The following SLC49A4 variants were observed in gnomAD, a reference collection of about 807,000 sequenced individuals.
SLC49A4 encodes the protein solute carrier family 49 member 4, also known as disrupted in renal cancer protein 2.
Under a neutral mutation model 50.6 loss-of-function variants are expected in SLC49A4, and 36 were observed. That is an observed-to-expected ratio of 0.71 (90% CI 0.55 to 0.94). SLC49A4 has a LOEUF of 0.94. SLC49A4 is among the 40% of genes least tolerant of loss of function. The pLI, the probability that SLC49A4 is intolerant of heterozygous loss-of-function variation, is 0.00. For missense variants in SLC49A4, 503 were observed against 605.7 expected (o/e 0.83, Z 1.78); for synonymous variants, 248 against 241.2 (o/e 1.03, Z -0.26).
chr3:122,825,959 A>G (rs1936520169), intron 2 of SLC49A4, among the ~76,000 whole-genome samples: 1 of 152,194 alleles, frequency 6.6e-6, no homozygotes, highest in Non-Finnish European at 1.5e-5. Context: ...AATGGAATGG[A>G]AAAAAGAAAC....
At chr3:122,862,445 T>C (rs1289760695) in intron 7 of SLC49A4, among the ~76,000 whole-genome samples, 2 of 152,238 alleles carry the variant, frequency 1.3e-5, no homozygotes, top group Non-Finnish European at 2.9e-5. Context: ...AGTAAAATAC[T>C]GTGCACTGTT....
intron 6 of SLC49A4, 117 bp from the exon 7 acceptor site, chr3:122,859,958 C>A: frequency 1.1e-6 from 1 of 939,130 alleles, no homozygotes; most frequent in South Asian, 2.7e-5. Flanking sequence ...ACACTGAAAA[C>A]TGTCTTTTAA....
At chr3:122,865,882 T>C (rs1352637911) in intron 7 of SLC49A4, among the ~76,000 whole-genome samples, 4 of 152,210 alleles carry the variant, frequency 2.6e-5, no homozygotes, top group African/African-American at 4.8e-5. Flanking sequence ...CCTTAAGATA[T>C]AATTCTTGAT....
chr3:122,822,192 A>C (rs1936463154), intron 2 of SLC49A4, among the ~76,000 whole-genome samples: 1 of 152,116 alleles, frequency 6.6e-6, no homozygotes, highest in South Asian at 2.1e-4. Context: ...CACTGTACTG[A>C]AGATTATGAA....
At chr3:122,859,887 TTTATAAGAGAAAAAAAA>T (rs972086172) in intron 6 of SLC49A4, among the ~76,000 whole-genome samples, 171 bp from the exon 7 acceptor site, 2 of 152,136 alleles carry the variant, frequency 1.3e-5, no homozygotes, top group Non-Finnish European at 2.9e-5. Context: ...TTTTTTGTGT[TTTATAAGAGAAAAAAAA>T]TTATCACAAA....
chr3:122,866,906 T>A (rs1937128570), intron 7 of SLC49A4, among the ~76,000 whole-genome samples: 1 of 152,228 alleles, frequency 6.6e-6, no homozygotes, highest in Admixed American at 6.5e-5. Flanking sequence ...GACATGCTTT[T>A]TTTTTTGGAG....
intron 2 of SLC49A4, among the ~76,000 whole-genome samples, chr3:122,826,046 A>G (rs1321711504): frequency 4.6e-5 from 7 of 152,210 alleles, no homozygotes. Flanking sequence ...TCCTGTCATT[A>G]CAGTACCCTA....
intron 2 of SLC49A4, among the ~76,000 whole-genome samples, chr3:122,819,943 A>T (rs555885965): frequency 6.6e-6 from 1 of 152,166 alleles, no homozygotes; most frequent in Non-Finnish European, 1.5e-5. Context: ...GGAGGTAAGT[A>T]TTTTTATGTA....
chr3:122,822,545 A>G (rs1936468204), intron 2 of SLC49A4, among the ~76,000 whole-genome samples: 1 of 152,184 alleles, frequency 6.6e-6, no homozygotes, highest in Non-Finnish European at 1.5e-5. Flanking sequence ...TCAGACCACA[A>G]ATGACCTCTT....
intron 1 of SLC49A4, among the ~76,000 whole-genome samples, chr3:122,803,873 A>C (rs1936171482): frequency 6.6e-6 from 1 of 152,164 alleles, no homozygotes; most frequent in Non-Finnish European, 1.5e-5. Context: ...GAAAAGAAAT[A>C]TTTTTATTTT....
At chr3:122,855,951 A>G (rs1240115439) in intron 5 of SLC49A4, among the ~76,000 whole-genome samples, 1 of 152,066 alleles carries the variant, frequency 6.6e-6, no homozygotes, top group South Asian at 2.1e-4. Flanking sequence ...TTGTTGCCCC[A>G]TGTTTTAGCA....
chr3:122,831,235 A>G (rs1243613253), intron 3 of SLC49A4, among the ~76,000 whole-genome samples: 1 of 152,186 alleles, frequency 6.6e-6, no homozygotes, highest in African/African-American at 2.4e-5. Context: ...TCAAAATGTT[A>G]AACAAAGATT....
At chr3:122,799,002 C>T (rs1181834513) in intron 1 of SLC49A4, among the ~76,000 whole-genome samples, 1 of 151,978 alleles carries the variant, frequency 6.6e-6, no homozygotes, top group Non-Finnish European at 1.5e-5. Context: ...ACCTTCCCAC[C>T]CTTTTTCATT....
At chr3:122,826,671 G>A in intron 2 of SLC49A4, 129 bp from the exon 3 acceptor site, 2 of 878,234 alleles carry the variant, frequency 2.3e-6, no homozygotes, top group East Asian at 2.5e-5. Flanking sequence ...TGTCTTTTAG[G>A]CATGTCATAT....
At chr3:122,843,893 G>A (rs1011319579) in intron 4 of SLC49A4, among the ~76,000 whole-genome samples, 1 of 152,190 alleles carries the variant, frequency 6.6e-6, no homozygotes, top group African/African-American at 2.4e-5. Flanking sequence ...TTAGCACTCT[G>A]TTTCAAGATG....
chr3:122,813,463 C>T (rs1373262268), intron 2 of SLC49A4, among the ~76,000 whole-genome samples: 1 of 152,012 alleles, frequency 6.6e-6, no homozygotes, highest in African/African-American at 2.4e-5. Context: ...CCCATGTAGC[C>T]GTCACTCAGC....
At chr3:122,801,818 C>A (rs1474727588) in intron 1 of SLC49A4, among the ~76,000 whole-genome samples, 1 of 151,986 alleles carries the variant, frequency 6.6e-6, no homozygotes, top group East Asian at 1.9e-4. Flanking sequence ...TAATAATGAG[C>A]CAAGACATCT....
rs1207781364 is a variant in SLC49A4 at position 122,798,668 on chromosome 3, A to G, written c.343+3133A>G. Reference sequence around the variant, plus strand: ...TTTTTTTTTTTTTTTTTTTTGAGACAGAGTCTCACTTGGTCACTCAGGCTG... The same window carrying G: ...TTTTTTTTTTTTTTTTTTTTGAGACGGAGTCTCACTTGGTCACTCAGGCTG... On this transcript the variant is annotated intron_variant, in intron 1 of 8. Coordinates refer to ENST00000261038, the MANE Select transcript of SLC49A4 (RefSeq NM_032839.3). 1.2e-4 allele frequency among the ~76,000 whole-genome samples: 13 copies of G among 105,652 alleles called. 2 individuals are homozygous for G. The highest frequency in any genetic ancestry group is 2.8e-4 in the East Asian group (1 of 3,548). The allele number at this position is 105,652 out of a possible 152,430, so 69.3% of individuals were successfully genotyped here. A position where few individuals can be genotyped will look rare whatever the true frequency, so the allele number is the denominator to read the frequency against.
chr3:122,830,924 A>G (rs956233134), intron 3 of SLC49A4, among the ~76,000 whole-genome samples: 2 of 152,152 alleles, frequency 1.3e-5, no homozygotes, highest in African/African-American at 4.8e-5. Context: ...GCATTCTTAC[A>G]ACTCAACAAC....
Sources: gnomAD v4.1 joint callset for allele counts (sites outside exome capture counted in the v4.1 genomes callset) on GRCh38, gnomAD v4.1.1 for gene constraint, MANE v1.5 for transcripts, NCBI Gene and HGNC (gene_info 2026-07-23, HGNC 2026-07-21) for gene names.